Variants in PALLD observed in about 807,000 individuals in gnomAD.
PALLD encodes palladin.
A neutral mutation model predicts 123.5 loss-of-function variants in PALLD; 61 were observed. That is an observed-to-expected ratio of 0.49 (90% confidence interval 0.40 to 0.61). The LOEUF (loss-of-function observed/expected upper bound fraction) is 0.61. Ranked by LOEUF, PALLD falls within the 20% of genes least tolerant of loss-of-function variation. The probability of loss-of-function intolerance (pLI) is 0.00; values close to 1 mark genes in which losing one functional copy is unlikely to be tolerated. For missense variants in PALLD, 1,273 were observed against 1,377.0 expected, an observed-to-expected ratio of 0.92 and a Z score of 1.20; for synonymous variants, 465 against 496.4, an observed-to-expected ratio of 0.94 and a Z score of 0.84.
At chr4:168,784,386 G>T (rs1324833283) in intron 10 of PALLD, among the ~76,000 whole-genome samples, 2 of 152,172 alleles carry the variant, frequency 1.3e-5, no homozygotes, top group Non-Finnish European at 2.9e-5. Flanking sequence ...GGTAACTCCA[G>T]TTCCAGCACA....
At chr4:168,557,049 T>C (rs1767391638) in intron 2 of PALLD, among the ~76,000 whole-genome samples, 1 of 151,902 alleles carries the variant, frequency 6.6e-6, no homozygotes, top group Non-Finnish European at 1.5e-5. Context: ...TTTGTTTTGT[T>C]TTGTTTTGTT....
chr4:168,667,427 G>GT (rs1779761679), intron 2 of PALLD, among the ~76,000 whole-genome samples: 1 of 152,078 alleles, frequency 6.6e-6, no homozygotes, highest in Non-Finnish European at 1.5e-5. Context: ...TTGTTTGTAT[G>GT]TTTGTTTCTT....
chr4:168,796,950 T>C (rs1290395800), intron 10 of PALLD, among the ~76,000 whole-genome samples: 1 of 152,222 alleles, frequency 6.6e-6, no homozygotes, highest in Non-Finnish European at 1.5e-5. Context: ...CCCTGGGCTT[T>C]ATTATGAATA....
intron 17 of PALLD, among the ~76,000 whole-genome samples, chr4:168,916,563 A>C: frequency 6.6e-6 from 1 of 152,132 alleles, no homozygotes. Flanking sequence ...AGGAGGTTTT[A>C]TTTATCCCTT....
At position 168,903,828 on chromosome 4, in the gene PALLD, T is replaced by C. The variant is rs1157369477; in HGVS notation, c.2544T>C (p.Asp848=). 6.2e-7 allele frequency: 1 copy of C among 1,612,840 alleles called. No homozygotes were observed. Among genetic ancestry groups the C allele is most frequent in the Non-Finnish European group, 8.5e-7 (1 of 1,178,942 alleles). ...SDHYTIQRDL[D]GTCSLHTTAS... ...ACTACACCATTCAAAGAGATCTCGATGGGACCTGCTCCCTCCATACCACAG... is the reference window on the plus strand; with the variant it reads ...ACTACACCATTCAAAGAGATCTCGACGGGACCTGCTCCCTCCATACCACAG... Residue 848 remains aspartate (D), a synonymous_variant, in exon 15 of 22, where the codon GAT becomes GAC. Coordinates refer to ENST00000505667, the MANE Select transcript of PALLD (RefSeq NM_001166108.2).
chr4:168,927,145 C>T lies in PALLD; in HGVS notation c.*965C>T, dbSNP rs1042222677. 1 of 228,466 alleles carries T rather than the reference C, an allele frequency of 4.4e-6. No homozygotes were observed. Among genetic ancestry groups the T allele is most frequent in the Admixed American group, 5.7e-5 (1 of 17,628 alleles). 14.2% of individuals were successfully genotyped at this position (228,466 alleles called of 1,614,324 possible). The stretch of plus-strand genomic sequence containing the variant: ...ATATTACAGTTCATTCCACAGAAAG[C>T]ATCCAAACCACCCAAATGACCAAGG... On this transcript the variant is annotated 3_prime_UTR_variant, in exon 22 of 22. Coordinates refer to ENST00000505667, the MANE Select transcript of PALLD (RefSeq NM_001166108.2).
chr4:168,756,890 A>T (rs1027375513), intron 10 of PALLD, among the ~76,000 whole-genome samples: 1 of 152,188 alleles, frequency 6.6e-6, no homozygotes, highest in Non-Finnish European at 1.5e-5. Flanking sequence ...GCCTTGAAGC[A>T]CTCTAGCATT....
intron 2 of PALLD, chr4:168,537,836 A>G (rs953464883): frequency 6.6e-5 from 10 of 152,270 alleles, no homozygotes; most frequent in African/African-American, 2.2e-4. Context: ...AAGTAGTTCA[A>G]AGCTTCAAAA....
chr4:168,761,428 G>A (rs1308226382), intron 10 of PALLD, among the ~76,000 whole-genome samples: 2 of 151,902 alleles, frequency 1.3e-5, no homozygotes, highest in Non-Finnish European at 2.9e-5. Flanking sequence ...TATTATATAT[G>A]GCACCTTTCT....
chr4:168,535,306 A>C (rs79351062), intron 2 of PALLD, among the ~76,000 whole-genome samples: 4,359 of 152,284 alleles, frequency 0.029, 109 homozygotes, highest in South Asian at 0.15. Context: ...CACAAGAATT[A>C]AGTGGCTTAA....
chr4:168,731,378 A>G (rs1264071980), intron 10 of PALLD, among the ~76,000 whole-genome samples: 1 of 152,234 alleles, frequency 6.6e-6, no homozygotes, highest in African/African-American at 2.4e-5. Flanking sequence ...TAGGACAGAC[A>G]GAATCTCCCC....
At chr4:168,741,120 C>T (rs1788283553) in intron 10 of PALLD, among the ~76,000 whole-genome samples, 1 of 152,120 alleles carries the variant, frequency 6.6e-6, no homozygotes, top group Non-Finnish European at 1.5e-5. Flanking sequence ...CTATATATGG[C>T]TCATTTCCAT....
At chr4:168,797,946 T>C (rs1738755475) in intron 10 of PALLD, among the ~76,000 whole-genome samples, 2 of 151,532 alleles carry the variant, frequency 1.3e-5, no homozygotes, top group Admixed American at 1.3e-4. Flanking sequence ...GATCCTAATC[T>C]GGCTATTTTT....
At chr4:168,642,151 C>T (rs540900170) in intron 2 of PALLD, among the ~76,000 whole-genome samples, 2 of 152,114 alleles carry the variant, frequency 1.3e-5, no homozygotes, top group Admixed American at 6.5e-5. Context: ...ACACATCCCT[C>T]GGGTCTTTCA....
intron 10 of PALLD, among the ~76,000 whole-genome samples, chr4:168,779,093 T>G (rs1735552400): frequency 6.6e-6 from 1 of 152,226 alleles, no homozygotes; most frequent in Non-Finnish European, 1.5e-5. Context: ...ATTTCATTGA[T>G]CTAAGACAGT....
At chr4:168,634,928 T>A (rs1249553483) in intron 2 of PALLD, among the ~76,000 whole-genome samples, 1 of 152,206 alleles carries the variant, frequency 6.6e-6, no homozygotes, top group Admixed American at 6.5e-5. Context: ...ATGCTTGACC[T>A]CTCCATTATT....
intron 2 of PALLD, among the ~76,000 whole-genome samples, chr4:168,585,620 G>A (rs538776275): frequency 6.6e-6 from 1 of 151,954 alleles, no homozygotes; most frequent in East Asian, 1.9e-4. Flanking sequence ...CGCAGGCACT[G>A]AGTGTGCCCC....
chr4:168,823,084 T>C (rs931166110), intron 10 of PALLD, among the ~76,000 whole-genome samples: 2 of 152,220 alleles, frequency 1.3e-5, no homozygotes, highest in South Asian at 2.1e-4. Flanking sequence ...GGTATAACGA[T>C]GAATGTAACC....
At chr4:168,548,987 A>G (rs558233703) in intron 2 of PALLD, among the ~76,000 whole-genome samples, 1 of 151,994 alleles carries the variant, frequency 6.6e-6, no homozygotes, top group East Asian at 1.9e-4. Context: ...TGCCACTGCA[A>G]TCCAGCCTGG....
Sources: allele counts gnomAD v4.1 joint callset (sites outside exome capture counted in the v4.1 genomes callset), GRCh38; gene constraint gnomAD v4.1.1; transcripts MANE v1.5; gene names NCBI Gene and HGNC (gene_info 2026-07-23, HGNC 2026-07-21).